The following TBC1D5 variants were observed in gnomAD, a reference collection of about 807,000 sequenced individuals.
The protein encoded by TBC1D5 is TBC1 domain family, member 5.
A neutral mutation model predicts 100.3 loss-of-function variants in TBC1D5; 75 were observed. The observed-to-expected ratio is 0.75, with a 90% confidence interval of 0.62 to 0.91. The LOEUF is 0.91. TBC1D5 is among the 40% of genes least tolerant of loss of function. TBC1D5 has a pLI of 0.00. For synonymous variants in TBC1D5, 323 were observed against 325.6 expected (o/e 0.99, Z 0.09); for missense variants, 910 against 942.4 (o/e 0.97, Z 0.45).
chr3:17,578,480 C>T (rs187530278), intron 2 of TBC1D5, among the ~76,000 whole-genome samples: 2 of 152,112 alleles, frequency 1.3e-5, no homozygotes, highest in East Asian at 3.9e-4. Flanking sequence ...GTTTTAGAAC[C>T]CTACTGGTAC....
At chr3:17,695,376 G>A (rs2071873084) in intron 1 of TBC1D5, among the ~76,000 whole-genome samples, 2 of 152,076 alleles carry the variant, frequency 1.3e-5, no homozygotes, top group South Asian at 4.1e-4. Context: ...GACGCACATA[G>A]GCTAAAAATA....
intron 18 of TBC1D5, among the ~76,000 whole-genome samples, chr3:17,207,131 A>G (rs969564721): frequency 6.6e-6 from 1 of 152,050 alleles, no homozygotes; most frequent in Admixed American, 6.5e-5. Context: ...GTAGACATGG[A>G]GTCTCACTAT....
chr3:17,430,845 A>G (rs1233654510), intron 3 of TBC1D5, among the ~76,000 whole-genome samples: 1 of 151,942 alleles, frequency 6.6e-6, no homozygotes, highest in Non-Finnish European at 1.5e-5. Context: ...TGTGTATACA[A>G]TGTGCTACAT....
intron 18 of TBC1D5, 107 bp from the exon 20 acceptor site, chr3:17,185,315 T>C: frequency 1.3e-6 from 1 of 797,266 alleles, no homozygotes; most frequent in South Asian, 2.7e-5. Flanking sequence ...GATACCTTTT[T>C]AAACCTAGAC....
chr3:17,721,827 A>C (rs1479366218), intron 1 of TBC1D5, among the ~76,000 whole-genome samples: 1 of 152,084 alleles, frequency 6.6e-6, no homozygotes, highest in Admixed American at 6.6e-5. Flanking sequence ...CTAAAAACAC[A>C]AAAATTAGCC....
chr3:17,488,745 T>G (rs967655050), intron 3 of TBC1D5, among the ~76,000 whole-genome samples: 2 of 152,108 alleles, frequency 1.3e-5, no homozygotes, highest in Non-Finnish European at 2.9e-5. Context: ...TTGAGTATTT[T>G]TACCTATGCT....
At chr3:17,422,346 G>GTTTTTTTT (rs200102244) in intron 4 of TBC1D5, among the ~76,000 whole-genome samples, 11 of 147,120 alleles carry the variant, frequency 7.5e-5, no homozygotes, top group African/African-American at 2.3e-4. Context: ...TTTGTTTTTT[G>GTTTTTTTT]TTTTTTTGTT....
At chr3:17,522,726 TATACAATTA>T (rs1452387676) in intron 2 of TBC1D5, among the ~76,000 whole-genome samples, 1 of 152,162 alleles carries the variant, frequency 6.6e-6, no homozygotes, top group Admixed American at 6.5e-5. Context: ...TTTTCCAATG[TATACAATTA>T]GGTAAAAGAA....
chr3:17,569,223 A>T (rs1050596553), intron 2 of TBC1D5, among the ~76,000 whole-genome samples: 2 of 151,870 alleles, frequency 1.3e-5, no homozygotes, highest in African/African-American at 4.8e-5. Context: ...TTTGATAGAC[A>T]TACAAAATCT....
intron 4 of TBC1D5, among the ~76,000 whole-genome samples, chr3:17,424,416 T>C (rs918835512): frequency 1.3e-5 from 2 of 152,178 alleles, no homozygotes; most frequent in African/African-American, 2.4e-5. Context: ...GGAAATGACT[T>C]TCCTTCTTTC....
intron 17 of TBC1D5, among the ~76,000 whole-genome samples, chr3:17,237,245 T>C (rs559483016): frequency 6.6e-6 from 1 of 152,300 alleles, no homozygotes; most frequent in South Asian, 2.1e-4. Flanking sequence ...GGTCTTAGGA[T>C]TGCTTTTTAA....
intron 16 of TBC1D5, among the ~76,000 whole-genome samples, chr3:17,247,053 T>C (rs559714365): frequency 6.6e-6 from 1 of 152,336 alleles, no homozygotes; most frequent in Non-Finnish European, 1.5e-5. Context: ...TGTATCAGTC[T>C]GACCTCTCTG....
At chr3:17,585,688 T>C (rs2096728301) in intron 2 of TBC1D5, among the ~76,000 whole-genome samples, 1 of 152,198 alleles carries the variant, frequency 6.6e-6, no homozygotes, top group Admixed American at 6.5e-5. Context: ...GATCTAAAGC[T>C]GGGTTTCTGA....
rs564285712 is a variant in TBC1D5 at position 17,503,080 on chromosome 3, A to G, written c.97+5394T>C. 3.3e-5 allele frequency among the ~76,000 whole-genome samples: 5 copies of G among 149,746 alleles called. No individual in the cohort carries two copies. In the East Asian group the frequency reaches 9.7e-4, roughly 29 times the overall value. The stretch of plus-strand genomic sequence containing the variant: ...GCCAGAATAATCTTTGTAAAATGCA[A>G]ATCTGACCACAAGATCCTTTCACTG... On this transcript the variant is annotated intron_variant, in intron 3 of 21. Coordinates refer to ENST00000253692, the Ensembl canonical transcript of TBC1D5.
Position 17,245,003 on chromosome 3 carries a change from T to C in TBC1D5, c.1332-6584A>G, listed in dbSNP as rs534869602. Among the ~76,000 whole-genome samples, 7 of 125,846 alleles carry C rather than the reference T, an allele frequency of 5.6e-5. No homozygotes were observed. The South Asian group carries it at 1.2e-3, about 22-fold the overall frequency. The allele number at this position is 125,846 out of a possible 152,430, so 82.6% of individuals were successfully genotyped here. On this transcript the variant is annotated intron_variant, in intron 16 of 21. Transcript: ENST00000253692. ...GAGTTCAAGACCAGCCTGGGCGATA[T>C]AGTGAGACCCTGTCTCTACAAAAAA...
At chr3:17,556,435 A>C (rs926165341) in intron 2 of TBC1D5, among the ~76,000 whole-genome samples, 4 of 152,180 alleles carry the variant, frequency 2.6e-5, no homozygotes, top group Admixed American at 2.6e-4. Context: ...TACTCAATCT[A>C]GGCTCTCCTC....
chr3:17,574,603 T>G (rs1290981686), intron 2 of TBC1D5, among the ~76,000 whole-genome samples: 1 of 152,098 alleles, frequency 6.6e-6, no homozygotes, highest in Non-Finnish European at 1.5e-5. Flanking sequence ...ATGTTGCTTG[T>G]CTCTAAGCAT....
intron 1 of TBC1D5, among the ~76,000 whole-genome samples, chr3:17,662,601 T>C (rs1270610449): frequency 6.6e-6 from 1 of 152,182 alleles, no homozygotes; most frequent in Non-Finnish European, 1.5e-5. Flanking sequence ...CCTAAGAAAG[T>C]GCTTTGCTTT....
intron 18 of TBC1D5, among the ~76,000 whole-genome samples, chr3:17,190,987 T>C (rs1434213023): frequency 6.6e-6 from 1 of 152,140 alleles, no homozygotes; most frequent in Non-Finnish European, 1.5e-5. Context: ...GAAGCTGTGG[T>C]GTACACAAGG....
Sources: allele counts gnomAD v4.1 joint callset (sites outside exome capture counted in the v4.1 genomes callset), GRCh38; gene constraint gnomAD v4.1.1; transcripts MANE v1.5; gene names NCBI Gene and HGNC (gene_info 2026-07-23, HGNC 2026-07-21).